INSR: variants seen among roughly 807,000 people sequenced by gnomAD.
INSR encodes the protein insulin receptor, also known as IR.
In INSR, 67 loss-of-function variants were observed where a neutral mutation model predicts 142.6. That is an observed-to-expected ratio of 0.47 (90% CI 0.39 to 0.58). The LOEUF is 0.58. Among genes scored for constraint, INSR ranks in the 20% least tolerant of loss-of-function variants. The probability of loss-of-function intolerance (pLI) is 0.00; values close to 1 mark genes in which losing one functional copy is unlikely to be tolerated. For missense variants in INSR, 1,248 were observed against 1,833.2 expected, an observed-to-expected ratio of 0.68 and a Z score of 5.83; for synonymous variants, 756 against 743.1, an observed-to-expected ratio of 1.02 and a Z score of -0.28.
intron 2 of INSR, among the ~76,000 whole-genome samples, chr19:7,203,766 A>G (rs778870967): frequency 5.3e-5 from 8 of 152,226 alleles, no homozygotes; most frequent in Non-Finnish European, 8.8e-5. Flanking sequence ...AAACAGAATC[A>G]TAAGTCAGAA....
chr19:7,156,168 C>G (rs1417712136), intron 9 of INSR, among the ~76,000 whole-genome samples: 1 of 142,552 alleles, frequency 7.0e-6, no homozygotes, highest in African/African-American at 2.6e-5. Context: ...TCAAGTGAGT[C>G]TCCTGCCTCA....
intron 2 of INSR, among the ~76,000 whole-genome samples, chr19:7,205,147 A>G (rs746970452): frequency 5.3e-5 from 8 of 152,206 alleles, no homozygotes; most frequent in African/African-American, 1.2e-4. Flanking sequence ...AGTGGCTTCT[A>G]TCAACAGATC....
chr19:7,197,918 A>AGTGTGTGTGTGTGTGTGT (rs71864058), intron 2 of INSR, among the ~76,000 whole-genome samples: 5 of 100,218 alleles, frequency 5.0e-5, no homozygotes, highest in African/African-American at 2.0e-4. Context: ...CCAGAGTGAG[A>AGTGTGTGTGTGTGTGTGT]GTGTGTGTGT....
At chr19:7,275,119 G>GCGTACCAC (rs1326460677) in intron 1 of INSR, among the ~76,000 whole-genome samples, 2 of 151,624 alleles carry the variant, frequency 1.3e-5, no homozygotes, top group African/African-American at 4.9e-5. Flanking sequence ...GGTATTACAG[G>GCGTACCAC]CATGCACTAC....
intron 14 of INSR, among the ~76,000 whole-genome samples, chr19:7,131,687 C>CTTT (rs371571877): frequency 0.011 from 1,343 of 121,986 alleles, 42 homozygotes; most frequent in African/African-American, 0.04. Flanking sequence ...ACCTCTGAAA[C>CTTT]TTTTTTTTTT....
At chr19:7,181,236 G>A (rs562883483) in intron 3 of INSR, among the ~76,000 whole-genome samples, 2 of 152,274 alleles carry the variant, frequency 1.3e-5, no homozygotes, top group East Asian at 3.9e-4. Context: ...GTGAGCCACC[G>A]CGCCTGGCCC....
chr19:7,294,063 G>T lies in INSR; in HGVS notation c.-172C>A. 1 of 597,982 alleles carries T rather than the reference G, an allele frequency of 1.7e-6. No individual in the cohort carries two copies. The highest frequency in any genetic ancestry group is 2.2e-6 in the Non-Finnish European group (1 of 451,342). 37.0% of individuals were successfully genotyped at this position (597,982 alleles called of 1,614,324 possible). On this transcript the variant is annotated 5_prime_UTR_variant, in exon 1 of 22. Transcript: ENST00000302850. ...CGGGGAGGGCCCAGAGGCAGCCCCG[G>T]GAAGGGCGCGCGCGGCTTCGCCAGC...
At chr19:7,254,789 G>A (rs1231084041) in intron 2 of INSR, among the ~76,000 whole-genome samples, 2 of 152,196 alleles carry the variant, frequency 1.3e-5, no homozygotes, top group African/African-American at 2.4e-5. Flanking sequence ...ACAAAGAACA[G>A]ATTTTAATTC....
intron 9 of INSR, among the ~76,000 whole-genome samples, chr19:7,162,121 G>A (rs981569363): frequency 5.9e-5 from 9 of 151,946 alleles, no homozygotes; most frequent in African/African-American, 2.2e-4. Context: ...GAGGTCAGGA[G>A]TTCAAGACCA....
chr19:7,125,239 A>C lies in INSR; in HGVS notation c.3258+44T>G. 6.2e-7 allele frequency: 1 copy of C among 1,612,446 alleles called. No homozygotes were observed. The highest frequency in any genetic ancestry group is 8.5e-7 in the Non-Finnish European group (1 of 1,179,594). On this transcript the variant is annotated intron_variant, in intron 17 of 21. Coordinates refer to ENST00000302850, the MANE Select transcript of INSR (RefSeq NM_000208.4). This position sits in a 1 kb window ranked among gnomAD's most constrained non-coding sequence, Gnocchi z 4.9. ...CAGGAGGAGGAGGCAGAGAAAGGGA[A>C]GGGTCAGGAAAGCCAGCCCATGTCC...
chr19:7,260,857 G>C (rs1039767523), intron 2 of INSR, among the ~76,000 whole-genome samples: 1 of 150,906 alleles, frequency 6.6e-6, no homozygotes, highest in Non-Finnish European at 1.5e-5. Context: ...CTGGAAGCCG[G>C]TGCTGCTTGC....
In INSR at chr19:7,125,214, CAGG is replaced by C; in HGVS notation, c.3258+66_3258+68del. ...ACCCTGTGTCCTCTGTCGCTCTGTG[CAGG>C]AGGAGGAGGCAGAGAAAGGGAAGGG... is the stretch of plus-strand genomic sequence containing the variant. On this transcript the variant is annotated intron_variant, in intron 17 of 21. Transcript: ENST00000302850. The surrounding 1 kb of genome is among the most constrained non-coding windows in gnomAD (Gnocchi z 4.9). The C allele has an allele frequency of 1.9e-6, 3 of 1,592,622 alleles. No individual in the cohort carries two copies. The highest frequency in any genetic ancestry group is 1.7e-5 in the Admixed American group (1 of 59,860).
chr19:7,263,248 C>G (rs66496113), intron 2 of INSR, among the ~76,000 whole-genome samples: 1 of 151,072 alleles, frequency 6.6e-6, no homozygotes, highest in South Asian at 2.1e-4. Flanking sequence ...CACTGCCCCC[C>G]AGCCTAGGTG....
chr19:7,154,041 A>G (rs1973521430), intron 9 of INSR, among the ~76,000 whole-genome samples: 1 of 151,758 alleles, frequency 6.6e-6, no homozygotes, highest in Non-Finnish European at 1.5e-5. Context: ...CATGCCTGTA[A>G]TCCCAGCTAC....
chr19:7,131,867 TGG>T (rs1280900481), intron 14 of INSR, among the ~76,000 whole-genome samples: 2 of 150,722 alleles, frequency 1.3e-5, no homozygotes, highest in Non-Finnish European at 3.0e-5. Context: ...GGCGTGGTGG[TGG>T]GCACCTGTAG....
At chr19:7,124,699 C>T (rs746127825) in intron 17 of INSR, among the ~76,000 whole-genome samples, 2 of 137,012 alleles carry the variant, frequency 1.5e-5, no homozygotes, top group African/African-American at 2.7e-5. Context: ...GGAAGCTCTA[C>T]AGGGGCAGGT....
intron 2 of INSR, among the ~76,000 whole-genome samples, chr19:7,191,854 A>C (rs1974597421): frequency 6.9e-6 from 1 of 145,124 alleles, no homozygotes; most frequent in East Asian, 2.0e-4. Flanking sequence ...GAGAAAAGAA[A>C]GAGAGAGTGA....
Position 7,192,124 on chromosome 19 carries a change from G to C in INSR, c.653-7487C>G, listed in dbSNP as rs1044278510. On this transcript the variant is annotated intron_variant, in intron 2 of 21. Transcript: ENST00000302850. The surrounding 1 kb of genome is among the most constrained non-coding windows in gnomAD (Gnocchi z 4.2). ...AAAGAGAAAAAAGAAAAGAAAGAGG[G>C]AGAAAGAAGAAAGATAAGAGAGAGA... is the stretch of plus-strand genomic sequence containing the variant. Among the ~76,000 whole-genome samples the C allele has an allele frequency of 6.8e-6, 1 of 146,442 alleles. No individual in the cohort carries two copies. The highest frequency in any genetic ancestry group is 1.5e-5 in the Non-Finnish European group (1 of 66,578).
chr19:7,257,273 G>T (rs1395424455), intron 2 of INSR, among the ~76,000 whole-genome samples: 10 of 151,988 alleles, frequency 6.6e-5, no homozygotes, highest in African/African-American at 2.2e-4. Context: ...CTTTTTGTTG[G>T]ATCCCCGTGT....
Sources: gnomAD v4.1 joint callset for allele counts (sites outside exome capture counted in the v4.1 genomes callset) on GRCh38, gnomAD v4.1.1 for gene constraint, Gnocchi (gnomAD v3.1) non-coding constraint, MANE v1.5 for transcripts, NCBI Gene and HGNC (gene_info 2026-07-23, HGNC 2026-07-21) for gene names.